Variants in GRIN2A observed in about 807,000 individuals in gnomAD.
The protein encoded by GRIN2A is glutamate ionotropic receptor NMDA type subunit 2A, also known as glutamate receptor ionotropic, NMDA 2A.
In GRIN2A, 22 loss-of-function variants were observed where a neutral mutation model predicts 113.4. The observed-to-expected ratio is 0.19, with a 90% CI of 0.14 to 0.28. The LOEUF (loss-of-function observed/expected upper bound fraction) is 0.28, where lower values mean the gene tolerates loss of function less well. Ranked by LOEUF, GRIN2A falls within the 10% of genes least tolerant of loss-of-function variation. GRIN2A has a pLI of 1.00. For missense variants in GRIN2A, 1,502 were observed against 1,887.0 expected (o/e 0.80, Z 3.78); for synonymous variants, 827 against 738.4 (o/e 1.12, Z -1.94).
chr16:10,108,103 G>C (rs57655198), intron 2 of GRIN2A, among the ~76,000 whole-genome samples: 46,692 of 152,138 alleles, frequency 0.31, 7,725 homozygotes, highest in East Asian at 0.44. Context: ...GAGTGTATTA[G>C]TCCATTTTCA....
At chr16:9,775,026 T>A (rs747397362) in intron 11 of GRIN2A, among the ~76,000 whole-genome samples, 10 of 152,218 alleles carry the variant, frequency 6.6e-5, no homozygotes, top group Non-Finnish European at 1.3e-4. Context: ...CCAGAGGAAC[T>A]GCAGTTTTTG....
intron 2 of GRIN2A, among the ~76,000 whole-genome samples, chr16:9,976,193 C>A (rs1279295970): frequency 6.6e-6 from 1 of 152,162 alleles, no homozygotes; most frequent in Non-Finnish European, 1.5e-5. Flanking sequence ...CATAAATAAT[C>A]ACCTTGAACA....
At position 9,938,072 on chromosome 16, in the gene GRIN2A, G is replaced by A; in HGVS notation, c.894C>T (p.Ile298=). 6.2e-7 allele frequency: 1 copy of A among 1,614,022 alleles called. No homozygotes were observed. The highest frequency in any genetic ancestry group is 8.5e-7 in the Non-Finnish European group (1 of 1,179,930). Residue 298 remains isoleucine (I), a synonymous_variant, in exon 3 of 13, where the codon ATC becomes ATT. Transcript: ENST00000330684. ...GCATAGAAGATGCAGCGGTGGTTAG[G>A]ATGCCAATGCCGTCCCTCACTCTCG... ...LEARVRDGIG[I]LTTAASSMLE... is the part of the protein sequence containing the mutation.
chr16:10,142,838 G>A (rs1197486956), intron 2 of GRIN2A, among the ~76,000 whole-genome samples: 2 of 151,994 alleles, frequency 1.3e-5, no homozygotes, highest in Non-Finnish European at 2.9e-5. Context: ...TAAAATTCTC[G>A]GGTCTCATCC....
Position 10,180,277 on chromosome 16 carries a change from G to T in GRIN2A, c.135C>A (p.Asp45Glu), listed in dbSNP as rs1432737328. Residue 45 changes from aspartate (D) to glutamate (E), a missense_variant, in exon 2 of 13, where the codon GAC becomes GAA. Physicochemically the swap from Asp to Glu is conservative, Grantham distance 45. Coordinates refer to ENST00000330684, the MANE Select transcript of GRIN2A (RefSeq NM_001134407.3). This position sits in a 1 kb window ranked among gnomAD's most constrained non-coding sequence, Gnocchi z 7.0. ...NIAVMLGHSH[D>E]VTERELRTLW... The stretch of plus-strand genomic sequence containing the variant: ...GTGTTCGAAGTTCGCGCTCTGTCAC[G>T]TCGTGGCTGTGACCCAGCATCACCG... The T allele has an allele frequency of 6.2e-7, 1 of 1,613,338 alleles. No individual in the cohort carries two copies. The highest frequency in any genetic ancestry group is 2.2e-5 in the East Asian group (1 of 44,876).
chr16:9,833,578 T>A (rs9937348), intron 8 of GRIN2A, among the ~76,000 whole-genome samples: 3,145 of 152,360 alleles, frequency 0.021, 113 homozygotes, highest in African/African-American at 0.071. Context: ...CTAACAACTA[T>A]TGACTTCAGG....
chr16:9,990,565 A>G lies in GRIN2A; in HGVS notation c.415-52014T>C, dbSNP rs148746328. On this transcript the variant is annotated intron_variant, in intron 2 of 12. Transcript: ENST00000330684. ...TCTACACGCGCGCGCGCGCGCGCGC[A>G]CACACACACACACACACACACACAC... is the stretch of plus-strand genomic sequence containing the variant. Among the ~76,000 whole-genome samples, 333 of 43,776 alleles carry G rather than the reference A, an allele frequency of 7.6e-3. 1 individual carries two copies. In the East Asian group the frequency reaches 0.077, roughly 10 times the overall value. 28.7% of individuals were successfully genotyped at this position (43,776 alleles called of 152,430 possible).
chr16:9,949,359 T>C (rs1283753164), intron 2 of GRIN2A, among the ~76,000 whole-genome samples: 1 of 150,422 alleles, frequency 6.6e-6, no homozygotes, highest in African/African-American at 2.5e-5. Flanking sequence ...ATTGGATGGA[T>C]AGATGGATGA....
intron 2 of GRIN2A, among the ~76,000 whole-genome samples, chr16:10,060,491 C>T (rs2047532728): frequency 1.3e-5 from 2 of 152,154 alleles, no homozygotes; most frequent in South Asian, 2.1e-4. Flanking sequence ...TCTGGAGGAA[C>T]CCAAAATTTA....
chr16:10,063,928 C>A (rs1231907589), intron 2 of GRIN2A, among the ~76,000 whole-genome samples: 3 of 152,204 alleles, frequency 2.0e-5, no homozygotes, highest in Non-Finnish European at 4.4e-5. Context: ...CATGACCCCA[C>A]AGTCACCGTC....
At chr16:9,780,962 C>T (rs1901901639) in intron 11 of GRIN2A, among the ~76,000 whole-genome samples, 1 of 148,188 alleles carries the variant, frequency 6.7e-6, no homozygotes, top group Admixed American at 6.7e-5. Context: ...AATAACATGT[C>T]ACTTTTATTG....
At chr16:10,123,202 A>G (rs1250648091) in intron 2 of GRIN2A, among the ~76,000 whole-genome samples, 2 of 152,184 alleles carry the variant, frequency 1.3e-5, no homozygotes, top group East Asian at 3.9e-4. Flanking sequence ...TGAAGGAGTT[A>G]CCTTTTCAAT....
chr16:10,058,081 C>G (rs368686217), intron 2 of GRIN2A, among the ~76,000 whole-genome samples: 14 of 151,924 alleles, frequency 9.2e-5, no homozygotes, highest in Non-Finnish European at 1.8e-4. Context: ...GTGTTGAAAC[C>G]CTGTCTCTAC....
chr16:9,997,248 A>G (rs772833593), intron 2 of GRIN2A, among the ~76,000 whole-genome samples: 2 of 152,180 alleles, frequency 1.3e-5, no homozygotes, highest in Non-Finnish European at 2.9e-5. Flanking sequence ...TCAGCTTATG[A>G]CAACAGGGAA....
At chr16:10,032,372 T>A (rs74008909) in intron 2 of GRIN2A, among the ~76,000 whole-genome samples, 7,196 of 152,244 alleles carry the variant, frequency 0.047, 296 homozygotes, top group African/African-American at 0.11. Context: ...TAAATGTGGG[T>A]CTACCCACCT....
At chr16:9,901,699 C>T (rs897602960) in intron 3 of GRIN2A, among the ~76,000 whole-genome samples, 1 of 152,172 alleles carries the variant, frequency 6.6e-6, no homozygotes, top group African/African-American at 2.4e-5. Flanking sequence ...GCTCCATCTG[C>T]CTCGGCCTCC....
At chr16:9,860,441 C>A in intron 4 of GRIN2A, among the ~76,000 whole-genome samples, 2 of 68,134 alleles carry the variant, frequency 2.9e-5, no homozygotes, top group East Asian at 3.3e-4. Context: ...GAGCAAGAGT[C>A]TCTCAAAAAA....
chr16:10,026,844 G>T (rs1025136152), intron 2 of GRIN2A, among the ~76,000 whole-genome samples: 1 of 152,080 alleles, frequency 6.6e-6, no homozygotes, highest in Non-Finnish European at 1.5e-5. Flanking sequence ...TCAGGTGAAC[G>T]AACCTCAGGA....
At chr16:9,942,638 T>G (rs560630479) in intron 2 of GRIN2A, among the ~76,000 whole-genome samples, 1 of 152,226 alleles carries the variant, frequency 6.6e-6, no homozygotes, top group East Asian at 1.9e-4. Context: ...AGAACTGGCC[T>G]CTCCAGGTCC....
Sources: allele counts gnomAD v4.1 joint callset (sites outside exome capture counted in the v4.1 genomes callset), GRCh38; gene constraint gnomAD v4.1.1; non-coding constraint Gnocchi (gnomAD v3.1); transcripts MANE v1.5; gene names NCBI Gene and HGNC (gene_info 2026-07-23, HGNC 2026-07-21).